Variants in STAC observed in about 807,000 individuals in gnomAD.
STAC encodes SH3 and cysteine-rich domain-containing protein.
Under a neutral mutation model 48.8 loss-of-function variants are expected in STAC, and 43 were observed. The observed-to-expected ratio is 0.88, with a 90% CI of 0.69 to 1.14. STAC has a LOEUF of 1.14. STAC is among the 50% of genes most tolerant of loss of function. The probability of loss-of-function intolerance (pLI) is 0.00; values close to 1 mark genes in which losing one functional copy is unlikely to be tolerated. For synonymous variants in STAC, 193 were observed against 179.5 expected (o/e 1.07, Z -0.60); for missense variants, 497 against 504.0 (o/e 0.99, Z 0.13).
intron 1 of STAC, among the ~76,000 whole-genome samples, chr3:36,399,714 C>T (rs1455013469): frequency 6.6e-6 from 1 of 152,118 alleles, no homozygotes; most frequent in Non-Finnish European, 1.5e-5. Context: ...AAAACCATGG[C>T]TCTAGGGTAA....
intron 2 of STAC, among the ~76,000 whole-genome samples, chr3:36,482,030 T>C (rs1050124879): frequency 8.5e-5 from 13 of 152,216 alleles, no homozygotes; most frequent in African/African-American, 3.1e-4. Flanking sequence ...TCCTCTTTTC[T>C]AATACATGAG....
At chr3:36,527,112 C>T (rs1448009620) in intron 8 of STAC, among the ~76,000 whole-genome samples, 4 of 152,188 alleles carry the variant, frequency 2.6e-5, no homozygotes, top group Non-Finnish European at 4.4e-5. Context: ...AGCCTGTCCA[C>T]ATCCACCTAC....
At chr3:36,388,818 C>T (rs1157638226) in intron 1 of STAC, among the ~76,000 whole-genome samples, 1 of 151,806 alleles carries the variant, frequency 6.6e-6, no homozygotes, top group Non-Finnish European at 1.5e-5. Flanking sequence ...CTGTCATATT[C>T]TAATGTTTTG....
At chr3:36,386,710 T>C (rs1354731448) in intron 1 of STAC, among the ~76,000 whole-genome samples, 2 of 152,124 alleles carry the variant, frequency 1.3e-5, no homozygotes, top group East Asian at 3.8e-4. Flanking sequence ...TATGTGCAAG[T>C]TTCTATTCTG....
chr3:36,466,780 TATC>T (rs1559502486), intron 2 of STAC, among the ~76,000 whole-genome samples: 1 of 152,192 alleles, frequency 6.6e-6, no homozygotes, highest in African/African-American at 2.4e-5. Context: ...TATAGGATTG[TATC>T]ATCAGCAAAT....
rs527848719 is a variant in STAC at position 36,391,457 on chromosome 3, A to G, written c.111+10703A>G. 2.0e-5 allele frequency among the ~76,000 whole-genome samples: 3 copies of G among 152,298 alleles called. No homozygotes were observed. The East Asian group carries it at 5.8e-4, about 29-fold the overall frequency. ...CATCACTCTAGTGATCGCCAGACCA[A>G]TATATCCTGCTGCCCTTTGGACAGT... On this transcript the variant is annotated intron_variant, in intron 1 of 10. Coordinates refer to ENST00000273183, the MANE Select transcript of STAC (RefSeq NM_003149.3).
chr3:36,454,930 T>C (rs1696809340), intron 2 of STAC, among the ~76,000 whole-genome samples: 1 of 152,198 alleles, frequency 6.6e-6, no homozygotes, highest in Non-Finnish European at 1.5e-5. Context: ...AACCACTGTG[T>C]AGAGATGATC....
chr3:36,535,327 C>A (rs1699173445), intron 10 of STAC, among the ~76,000 whole-genome samples: 2 of 152,092 alleles, frequency 1.3e-5, no homozygotes, highest in Non-Finnish European at 2.9e-5. Flanking sequence ...GATTTTGTAT[C>A]CTGAGACTTT....
chr3:36,439,862 C>A (rs1267665196), intron 1 of STAC, among the ~76,000 whole-genome samples: 1 of 152,212 alleles, frequency 6.6e-6, no homozygotes, highest in Admixed American at 6.5e-5. Context: ...GGACACAGGA[C>A]TCACTGCCCT....
chr3:36,426,143 G>C (rs1700559234), intron 1 of STAC, among the ~76,000 whole-genome samples: 1 of 152,192 alleles, frequency 6.6e-6, no homozygotes, highest in Non-Finnish European at 1.5e-5. Context: ...CTCCTGAATT[G>C]AAAAATTCAG....
At chr3:36,499,905 C>T (rs569591296) in intron 6 of STAC, among the ~76,000 whole-genome samples, 2 of 151,590 alleles carry the variant, frequency 1.3e-5, no homozygotes, top group Admixed American at 1.3e-4. Flanking sequence ...GAAAAATTGA[C>T]TTTAAGACCA....
chr3:36,381,944 T>C (rs1012868292), intron 1 of STAC, among the ~76,000 whole-genome samples: 5 of 152,190 alleles, frequency 3.3e-5, no homozygotes, highest in Non-Finnish European at 5.9e-5. Flanking sequence ...TAAAACTCGG[T>C]TGGAAATGAG....
At chr3:36,514,690 G>A (rs1433822907) in intron 8 of STAC, among the ~76,000 whole-genome samples, 1 of 152,084 alleles carries the variant, frequency 6.6e-6, no homozygotes, top group African/African-American at 2.4e-5. Flanking sequence ...ATGAACTAAT[G>A]CTATGCCTGG....
At chr3:36,491,300 T>C (rs1697959333) in intron 5 of STAC, among the ~76,000 whole-genome samples, 1 of 152,230 alleles carries the variant, frequency 6.6e-6, no homozygotes, top group African/African-American at 2.4e-5. Flanking sequence ...TGTTTCCAAA[T>C]TGTTATGTTT....
intron 1 of STAC, among the ~76,000 whole-genome samples, chr3:36,424,729 C>A (rs1259208964): frequency 6.6e-6 from 1 of 151,962 alleles, no homozygotes; most frequent in African/African-American, 2.4e-5. Context: ...AGGGGCATGC[C>A]AAAAACGATG....
chr3:36,413,633 G>T (rs56084925), intron 1 of STAC, among the ~76,000 whole-genome samples: 5,350 of 152,158 alleles, frequency 0.035, 167 homozygotes, highest in Non-Finnish European at 0.054. Flanking sequence ...TATCCAATTT[G>T]CCAGTCTGTG....
intron 8 of STAC, among the ~76,000 whole-genome samples, chr3:36,528,273 A>G (rs1013139244): frequency 6.6e-6 from 1 of 152,194 alleles, no homozygotes; most frequent in Non-Finnish European, 1.5e-5. Flanking sequence ...GATTGAGACC[A>G]TCCTGGCCAA....
At chr3:36,518,244 G>A (rs1698720488) in intron 8 of STAC, among the ~76,000 whole-genome samples, 1 of 152,168 alleles carries the variant, frequency 6.6e-6, no homozygotes, top group Non-Finnish European at 1.5e-5. Flanking sequence ...TAGGGACACT[G>A]TAACAAAGGA....
At chr3:36,481,647 G>T (rs1167440335) in intron 2 of STAC, among the ~76,000 whole-genome samples, 1 of 152,086 alleles carries the variant, frequency 6.6e-6, no homozygotes, top group Non-Finnish European at 1.5e-5. Flanking sequence ...TTGTCATCTT[G>T]CATAGCATTC....
Sources: gnomAD v4.1 joint callset for allele counts (sites outside exome capture counted in the v4.1 genomes callset) on GRCh38, gnomAD v4.1.1 for gene constraint, MANE v1.5 for transcripts, NCBI Gene and HGNC (gene_info 2026-07-23, HGNC 2026-07-21) for gene names.